Variants in PLD1 observed in about 807,000 individuals in gnomAD.
PLD1 encodes choline phosphatase 1.
PLD1 carries 112 observed loss-of-function variants against 137.1 expected under a neutral mutation model. That is an observed-to-expected ratio of 0.82 (90% CI 0.70 to 0.96). The LOEUF (loss-of-function observed/expected upper bound fraction) is 0.96, where lower values mean the gene tolerates loss of function less well. PLD1 is among the 40% of genes least tolerant of loss of function. The pLI, the probability that PLD1 is intolerant of heterozygous loss-of-function variation, is 0.00. For synonymous variants in PLD1, 431 were observed against 454.7 expected (o/e 0.95, Z 0.66); for missense variants, 1,321 against 1,342.0 (o/e 0.98, Z 0.24).
chr3:171,734,079 C>T (rs556630237), intron 5 of PLD1, among the ~76,000 whole-genome samples: 1 of 152,266 alleles, frequency 6.6e-6, no homozygotes, highest in South Asian at 2.1e-4. Context: ...ATCCAGCATG[C>T]TTTTGCTGAA....
chr3:171,685,633 T>C (rs919174198), intron 16 of PLD1, among the ~76,000 whole-genome samples: 3 of 152,222 alleles, frequency 2.0e-5, no homozygotes, highest in African/African-American at 7.2e-5. Context: ...ATCTTACTAG[T>C]GTCATTTATT....
intron 23 of PLD1, among the ~76,000 whole-genome samples, chr3:171,631,446 A>C (rs1734652691): frequency 6.6e-6 from 1 of 152,308 alleles, no homozygotes; most frequent in African/African-American, 2.4e-5. Context: ...AGAAAGAGAG[A>C]GAATAGGTTT....
intron 23 of PLD1, among the ~76,000 whole-genome samples, chr3:171,627,092 G>A (rs1425453909): frequency 6.6e-6 from 1 of 152,138 alleles, no homozygotes; most frequent in Non-Finnish European, 1.5e-5. Context: ...AGACCCATCA[G>A]TGTGCTGTAT....
At chr3:171,650,495 A>C (rs899884404) in intron 21 of PLD1, among the ~76,000 whole-genome samples, 9 of 152,152 alleles carry the variant, frequency 5.9e-5, no homozygotes, top group Non-Finnish European at 1.3e-4. Context: ...CCCCTTTCCA[A>C]AGATCCAGGG....
intron 1 of PLD1, among the ~76,000 whole-genome samples, chr3:171,768,877 A>G (rs890703889): frequency 6.6e-6 from 1 of 152,244 alleles, no homozygotes; most frequent in African/African-American, 2.4e-5. Context: ...AACTCAACTT[A>G]AAATTAGATG....
intron 4 of PLD1, 123 bp from the exon 5 acceptor site, chr3:171,735,093 A>G (rs1475809336): frequency 1.1e-5 from 7 of 637,772 alleles, no homozygotes; most frequent in Non-Finnish European, 1.7e-5. Flanking sequence ...TCTACCAACA[A>G]TAGACTAGTT....
intron 19 of PLD1, among the ~76,000 whole-genome samples, chr3:171,667,971 C>T (rs990173807): frequency 6.6e-6 from 1 of 152,136 alleles, no homozygotes; most frequent in Non-Finnish European, 1.5e-5. Context: ...ACGCTGGTTT[C>T]GAACTCCTGA....
At chr3:171,807,509 G>T (rs756059528) in intron 1 of PLD1, among the ~76,000 whole-genome samples, 20 of 152,080 alleles carry the variant, frequency 1.3e-4, no homozygotes, top group Non-Finnish European at 4.4e-5. Flanking sequence ...CTTAAAAATG[G>T]CTACAATGGT....
intron 1 of PLD1, among the ~76,000 whole-genome samples, chr3:171,808,950 G>C (rs1030250101): frequency 1.4e-5 from 2 of 147,932 alleles, no homozygotes; most frequent in Non-Finnish European, 1.5e-5. Context: ...TCAGCCTCCC[G>C]AGTGGCTGGG....
At chr3:171,756,815 G>A (rs567168431) in intron 1 of PLD1, among the ~76,000 whole-genome samples, 4 of 152,302 alleles carry the variant, frequency 2.6e-5, no homozygotes, top group East Asian at 1.9e-4. Flanking sequence ...AGTAGAAAGA[G>A]AAGGGAACAA....
chr3:171,752,326 GGGA>G (rs201877515), intron 1 of PLD1, among the ~76,000 whole-genome samples: 1,954 of 152,318 alleles, frequency 0.013, 38 homozygotes, highest in African/African-American at 0.041. Context: ...CAAGAGAGGT[GGGA>G]GGAGAACGCA....
intron 1 of PLD1, among the ~76,000 whole-genome samples, chr3:171,748,424 A>G (rs764721915): frequency 6.6e-6 from 1 of 152,184 alleles, no homozygotes; most frequent in Non-Finnish European, 1.5e-5. Context: ...ATATTCATGC[A>G]TTCCTTTCTT....
chr3:171,807,170 A>G (rs545222158), intron 1 of PLD1, among the ~76,000 whole-genome samples: 1 of 152,258 alleles, frequency 6.6e-6, no homozygotes, highest in East Asian at 1.9e-4. Context: ...CTGGCCAAGG[A>G]TGGTGATGCG....
chr3:171,780,193 T>C (rs1722744500), intron 1 of PLD1, among the ~76,000 whole-genome samples: 1 of 150,260 alleles, frequency 6.7e-6, no homozygotes, highest in African/African-American at 2.5e-5. Context: ...GGGGCTTGCA[T>C]ACATAAGTCT....
At chr3:171,766,821 C>A (rs562670504) in intron 1 of PLD1, among the ~76,000 whole-genome samples, 4 of 152,062 alleles carry the variant, frequency 2.6e-5, no homozygotes, top group African/African-American at 7.2e-5. Context: ...CGTTTCTTTT[C>A]TTTCTTTTAA....
rs750927877 is a variant in PLD1, at chr3:171,686,787, G to A, written c.1765C>T (p.His589Tyr). 14 of 1,477,726 alleles carry A rather than the reference G, an allele frequency of 9.5e-6. No individual in the cohort carries two copies. Among genetic ancestry groups the A allele is most frequent in the Middle Eastern group, 1.7e-4 (1 of 5,724 alleles). 91.5% of individuals were successfully genotyped at this position (1,477,726 alleles called of 1,614,324 possible). ...SIDSTSSYFN[H>Y]YRSHHNLIHG... ...ATTAAATTGTGATGACTTCTATAGT[G>A]ATTAAAATAACCTAGAGAAATTAAG... The change falls in exon 16 of 27, where the codon CAC becomes TAC. Residue 589 changes from histidine (H) to tyrosine (Y), a missense_variant. Physicochemically the swap from His to Tyr is moderately conservative, Grantham distance 83 (BLOSUM62 2). Coordinates refer to ENST00000351298, the MANE Select transcript of PLD1 (RefSeq NM_002662.5).
At position 171,728,697 on chromosome 3, in the gene PLD1, G is replaced by T. The variant is rs1259076311; in HGVS notation, c.607-2621C>A. ...GCCTGGATATTTTCTTATTTACATA[G>T]CTGTTATCATCAAATAGTTGACAAC... is the stretch of plus-strand genomic sequence containing the variant. On this transcript the variant is annotated intron_variant, in intron 6 of 26. Transcript: ENST00000351298. 2.0e-5 allele frequency among the ~76,000 whole-genome samples: 3 copies of T among 152,158 alleles called. No individual in the cohort carries two copies. The East Asian group carries it at 5.8e-4, about 29-fold the overall frequency.
At chr3:171,805,873 T>C (rs1183897552) in intron 1 of PLD1, among the ~76,000 whole-genome samples, 1 of 152,114 alleles carries the variant, frequency 6.6e-6, no homozygotes, top group Non-Finnish European at 1.5e-5. Flanking sequence ...TCAAACTGCC[T>C]CATCTATAAA....
intron 19 of PLD1, among the ~76,000 whole-genome samples, chr3:171,662,786 C>T (rs1039575635): frequency 5.3e-5 from 8 of 152,308 alleles, no homozygotes; most frequent in African/African-American, 1.9e-4. Context: ...TGTTCCATGG[C>T]ACGCCACTTT....
Sources: allele counts gnomAD v4.1 joint callset (sites outside exome capture counted in the v4.1 genomes callset), GRCh38; gene constraint gnomAD v4.1.1; transcripts MANE v1.5; gene names NCBI Gene and HGNC (gene_info 2026-07-23, HGNC 2026-07-21).